GRID1: variants seen among roughly 807,000 people sequenced by gnomAD.
GRID1 encodes the protein glutamate ionotropic receptor delta type subunit 1.
Under a neutral mutation model 98.0 loss-of-function variants are expected in GRID1, and 28 were observed. The observed-to-expected ratio is 0.29, with a 90% CI of 0.21 to 0.39. The LOEUF is 0.39. GRID1 is among the 10% of genes least tolerant of loss of function. GRID1 has a pLI of 1.00. For synonymous variants in GRID1, 553 were observed against 538.5 expected (o/e 1.03, Z -0.37); for missense variants, 1,111 against 1,340.5 (o/e 0.83, Z 2.67).
At chr10:86,360,484 T>C (rs1848586302) in intron 2 of GRID1, among the ~76,000 whole-genome samples, 1 of 152,236 alleles carries the variant, frequency 6.6e-6, no homozygotes, top group Non-Finnish European at 1.5e-5. Context: ...TACATGCTCA[T>C]TGCAGCAATG....
Position 85,600,701 on chromosome 10 carries a change from T to C in GRID1, c.*1572A>G, listed in dbSNP as rs1842561858. The C allele has an allele frequency of 6.6e-6, 1 of 152,218 alleles. No homozygotes were observed. The highest frequency in any genetic ancestry group is 1.5e-5 in the Non-Finnish European group (1 of 68,062). The allele number at this position is 152,218 out of a possible 1,614,324, so 9.4% of individuals were successfully genotyped here. On this transcript the variant is annotated 3_prime_UTR_variant, in exon 16 of 16. Transcript: ENST00000327946. The stretch of plus-strand genomic sequence containing the variant: ...AGGAACTGAAGTGACACAACTCAGA[T>C]TCCCCCAGTTCCACTCCTAATGGTT...
At chr10:86,295,918 T>C (rs887006360) in intron 2 of GRID1, among the ~76,000 whole-genome samples, 3 of 152,216 alleles carry the variant, frequency 2.0e-5, no homozygotes, top group African/African-American at 7.2e-5. Flanking sequence ...GTTCCTCAGC[T>C]GACTCAAACA....
chr10:86,099,272 T>G (rs1257344670), intron 4 of GRID1, among the ~76,000 whole-genome samples: 1 of 151,982 alleles, frequency 6.6e-6, no homozygotes, highest in Non-Finnish European at 1.5e-5. Flanking sequence ...AGATGAGGGG[T>G]GCTGAGCACC....
chr10:85,859,951 T>A (rs544053389), intron 6 of GRID1, among the ~76,000 whole-genome samples: 1 of 152,122 alleles, frequency 6.6e-6, no homozygotes, highest in Non-Finnish European at 1.5e-5. Flanking sequence ...CAGAGCCTGA[T>A]AAACATAAAA....
intron 12 of GRID1, among the ~76,000 whole-genome samples, chr10:85,667,185 A>G (rs1033197631): frequency 1.3e-5 from 2 of 152,160 alleles, no homozygotes; most frequent in African/African-American, 4.8e-5. Context: ...ACCCACATCT[A>G]GCACATGGGA....
chr10:86,124,459 G>A (rs1844722271), intron 4 of GRID1, among the ~76,000 whole-genome samples: 1 of 152,050 alleles, frequency 6.6e-6, no homozygotes, highest in African/African-American at 2.4e-5. Context: ...CTTGTTTTGG[G>A]GGCTCCATCA....
intron 12 of GRID1, among the ~76,000 whole-genome samples, chr10:85,703,562 C>T (rs975398317): frequency 6.6e-6 from 1 of 151,918 alleles, no homozygotes; most frequent in Admixed American, 6.6e-5. Flanking sequence ...TTTAGTATTA[C>T]CTTACATAAG....
At chr10:85,896,838 G>A (rs932882768) in intron 5 of GRID1, among the ~76,000 whole-genome samples, 3 of 152,104 alleles carry the variant, frequency 2.0e-5, no homozygotes, top group Non-Finnish European at 4.4e-5. Flanking sequence ...ATCATCAGAA[G>A]GAGACATCAA....
At chr10:86,282,365 G>A (rs373127163) in intron 2 of GRID1, among the ~76,000 whole-genome samples, 8 of 152,222 alleles carry the variant, frequency 5.3e-5, no homozygotes, top group South Asian at 4.2e-4. Context: ...AGCAGGAGCC[G>A]AGCCTTTGTT....
chr10:86,148,454 A>C (rs1459343222), intron 3 of GRID1, among the ~76,000 whole-genome samples: 1 of 152,228 alleles, frequency 6.6e-6, no homozygotes, highest in East Asian at 1.9e-4. Context: ...GGTGGTTACC[A>C]GAAGCTGGGG....
intron 4 of GRID1, among the ~76,000 whole-genome samples, chr10:86,128,775 G>T (rs111397796): frequency 1.0e-3 from 153 of 152,124 alleles, no homozygotes; most frequent in African/African-American, 3.2e-3. Context: ...TTTTCTCAAC[G>T]CCCTTCATGC....
At chr10:85,974,283 G>GTTTGTTTTGT (rs143157635) in intron 4 of GRID1, among the ~76,000 whole-genome samples, 17 of 150,878 alleles carry the variant, frequency 1.1e-4, no homozygotes, top group Non-Finnish European at 1.5e-4. Context: ...CAAGTTTTTT[G>GTTTGTTTTGT]TTTGTTTTGT....
At chr10:85,626,913 T>G (rs1450422105) in intron 13 of GRID1, among the ~76,000 whole-genome samples, 1 of 152,186 alleles carries the variant, frequency 6.6e-6, no homozygotes, top group African/African-American at 2.4e-5. Flanking sequence ...GTTTTTAAAA[T>G]GTGTACATGC....
chr10:86,355,785 C>A (rs780775584), intron 2 of GRID1, among the ~76,000 whole-genome samples: 2 of 152,252 alleles, frequency 1.3e-5, no homozygotes, highest in Admixed American at 1.3e-4. Flanking sequence ...GAGGGCAGCA[C>A]CCCAGAGAAA....
In GRID1 at chr10:85,951,754, G is replaced by A. The variant is rs893731679; in HGVS notation, c.727-35515C>T. Among the ~76,000 whole-genome samples, 6 of 152,082 alleles carry A rather than the reference G, an allele frequency of 3.9e-5. 1 individual carries two copies. The highest frequency in any genetic ancestry group is 3.3e-4 in the Admixed American group (5 of 15,274). ...TTTCGCTGGCCCTGCCCCAGGGCCC[G>A]CAGGTGCTGGCTAAAGGCTCACGTT... On this transcript the variant is annotated intron_variant, in intron 4 of 15. Coordinates refer to ENST00000327946, the MANE Select transcript of GRID1 (RefSeq NM_017551.3).
At chr10:86,154,382 AG>A (rs1845213357) in intron 3 of GRID1, among the ~76,000 whole-genome samples, 1 of 152,166 alleles carries the variant, frequency 6.6e-6, no homozygotes, top group South Asian at 2.1e-4. Context: ...CAGGCACTCT[AG>A]TAACAAGGGC....
intron 4 of GRID1, among the ~76,000 whole-genome samples, chr10:85,969,057 C>G (rs1313483921): frequency 6.6e-6 from 1 of 152,064 alleles, no homozygotes; most frequent in Admixed American, 6.6e-5. Flanking sequence ...TAATAGCAGA[C>G]AAAATAGACT....
chr10:86,099,974 C>T (rs1246391777), intron 4 of GRID1, among the ~76,000 whole-genome samples: 1 of 152,156 alleles, frequency 6.6e-6, no homozygotes, highest in Admixed American at 6.5e-5. Context: ...TATTTTGACT[C>T]CTCAGGGATG....
At chr10:85,729,025 T>C (rs1841793081) in intron 9 of GRID1, among the ~76,000 whole-genome samples, 2 of 152,152 alleles carry the variant, frequency 1.3e-5, no homozygotes, top group African/African-American at 4.8e-5. Context: ...AGTCTATGAT[T>C]CCAGGACATC....
Sources: gnomAD v4.1 joint callset for allele counts (sites outside exome capture counted in the v4.1 genomes callset) on GRCh38, gnomAD v4.1.1 for gene constraint, MANE v1.5 for transcripts, NCBI Gene and HGNC (gene_info 2026-07-23, HGNC 2026-07-21) for gene names.